Variants in HSF2BP observed in about 807,000 individuals in gnomAD.
The protein encoded by HSF2BP is heat shock factor 2-binding protein.
In HSF2BP, 35 loss-of-function variants were observed where a neutral mutation model predicts 35.0. That is an observed-to-expected ratio of 1.00 (90% CI 0.76 to 1.32). HSF2BP has a LOEUF of 1.32. HSF2BP is among the 40% of genes most tolerant of loss of function. HSF2BP has a pLI of 0.00. For missense variants in HSF2BP, 326 were observed against 321.7 expected, an observed-to-expected ratio of 1.01 and a Z score of -0.10; for synonymous variants, 114 against 117.4, an observed-to-expected ratio of 0.97 and a Z score of 0.18.
intron 4 of HSF2BP, among the ~76,000 whole-genome samples, chr21:43,637,897 C>T (rs1195214118): frequency 6.6e-6 from 1 of 152,050 alleles, no homozygotes; most frequent in Non-Finnish European, 1.5e-5. Context: ...CAAAAACCTA[C>T]AGCTAAAATC....
chr21:43,616,521 T>G (rs1206552809), intron 6 of HSF2BP, among the ~76,000 whole-genome samples: 1 of 152,178 alleles, frequency 6.6e-6, no homozygotes, highest in African/African-American at 2.4e-5. Context: ...CTTACACCCG[T>G]AATCCTAGTT....
At chr21:43,643,802 C>T (rs2082671775) in intron 4 of HSF2BP, among the ~76,000 whole-genome samples, 1 of 152,004 alleles carries the variant, frequency 6.6e-6, no homozygotes, top group Admixed American at 6.6e-5. Flanking sequence ...ACTAAAAATA[C>T]AAAAACTTAG....
intron 7 of HSF2BP, among the ~76,000 whole-genome samples, chr21:43,599,382 G>A (rs910880663): frequency 3.3e-5 from 5 of 152,258 alleles, no homozygotes; most frequent in African/African-American, 9.6e-5. Context: ...CAAATGTTTC[G>A]TCTAATATAA....
At chr21:43,577,884 C>T (rs1053634413) in intron 8 of HSF2BP, among the ~76,000 whole-genome samples, 6 of 152,172 alleles carry the variant, frequency 3.9e-5, no homozygotes, top group African/African-American at 1.4e-4. Flanking sequence ...TGATATTCCC[C>T]TGCCCTTAAG....
intron 6 of HSF2BP, among the ~76,000 whole-genome samples, chr21:43,624,163 C>T (rs1413087549): frequency 3.9e-5 from 6 of 152,208 alleles, no homozygotes; most frequent in Non-Finnish European, 8.8e-5. Context: ...AAACATACAT[C>T]CACACATAAA....
chr21:43,572,013 G>A (rs1392532046), intron 8 of HSF2BP, among the ~76,000 whole-genome samples: 2 of 152,326 alleles, frequency 1.3e-5, no homozygotes, highest in Admixed American at 6.5e-5. Flanking sequence ...CTCACAGTCT[G>A]GACCCAATCA....
intron 6 of HSF2BP, among the ~76,000 whole-genome samples, chr21:43,626,379 C>A (rs1305113145): frequency 1.3e-5 from 2 of 152,010 alleles, no homozygotes; most frequent in Admixed American, 6.6e-5. Flanking sequence ...AAAAAAAAGT[C>A]TGAAATTAAA....
At chr21:43,633,151 G>A in intron 5 of HSF2BP, 121 bp downstream of exon 5, 2 of 1,031,736 alleles carry the variant, frequency 1.9e-6, no homozygotes, top group Non-Finnish European at 1.4e-6. Context: ...ACTAGCTGAT[G>A]AGTGAACAAA....
At chr21:43,613,771 A>G (rs963400064) in intron 7 of HSF2BP, 59 bp downstream of exon 7, 1 of 1,153,488 alleles carries the variant, frequency 8.7e-7, no homozygotes, top group Non-Finnish European at 1.3e-6. Context: ...GAGAGGCCCA[A>G]TCAGCACAGT....
At chr21:43,626,216 T>C (rs2082387930) in intron 6 of HSF2BP, among the ~76,000 whole-genome samples, 1 of 151,938 alleles carries the variant, frequency 6.6e-6, no homozygotes, top group Non-Finnish European at 1.5e-5. Flanking sequence ...AAGAAACAAA[T>C]GTCTACACAG....
chr21:43,576,535 C>T (rs544080180), intron 8 of HSF2BP, among the ~76,000 whole-genome samples: 11 of 152,276 alleles, frequency 7.2e-5, no homozygotes, highest in African/African-American at 2.6e-4. Flanking sequence ...ATGACAAAGG[C>T]GCCAGTCATG....
intron 8 of HSF2BP, among the ~76,000 whole-genome samples, chr21:43,576,079 C>G (rs1482576864): frequency 6.9e-6 from 1 of 145,878 alleles, no homozygotes; most frequent in Non-Finnish European, 1.5e-5. Flanking sequence ...GATCGCGCAA[C>G]TGCACGCCAG....
At chr21:43,572,108 G>T (rs1243466929) in intron 8 of HSF2BP, among the ~76,000 whole-genome samples, 1 of 152,188 alleles carries the variant, frequency 6.6e-6, no homozygotes, top group Admixed American at 6.5e-5. Flanking sequence ...CTCCACAGTG[G>T]GAGTGAAGGG....
At chr21:43,616,989 G>A (rs1337527595) in intron 6 of HSF2BP, among the ~76,000 whole-genome samples, 1 of 151,844 alleles carries the variant, frequency 6.6e-6, no homozygotes, top group Non-Finnish European at 1.5e-5. Flanking sequence ...GAAGCCTTGA[G>A]ACTCTATGAG....
At chr21:43,654,583 A>T (rs2082840291) in intron 3 of HSF2BP, among the ~76,000 whole-genome samples, 1 of 152,140 alleles carries the variant, frequency 6.6e-6, no homozygotes, top group Admixed American at 6.5e-5. Flanking sequence ...CCTCACTGCA[A>T]AGAGCCATAA....
At chr21:43,588,398 A>C (rs2146764219) in intron 8 of HSF2BP, among the ~76,000 whole-genome samples, 1 of 152,046 alleles carries the variant, frequency 6.6e-6, no homozygotes, top group African/African-American at 2.4e-5. Context: ...TAAATAAATA[A>C]ATAAGAAGTC....
Position 43,658,106 on chromosome 21 carries a change from C to T in HSF2BP, c.-10G>A. 3 of 1,530,214 alleles carry T rather than the reference C, an allele frequency of 2.0e-6. No homozygotes were observed. The highest frequency in any genetic ancestry group is 2.6e-6 in the Non-Finnish European group (3 of 1,142,942). The allele number at this position is 1,530,214 out of a possible 1,614,324, so 94.8% of individuals were successfully genotyped here. A position where few individuals can be genotyped will look rare whatever the true frequency, so the allele number is the denominator to read the frequency against. On this transcript the variant is annotated 5_prime_UTR_variant, in exon 2 of 9. Coordinates refer to ENST00000291560, the MANE Select transcript of HSF2BP (RefSeq NM_007031.2). ...CGCCCGCTTCGCCCATGGCCGCTGC[C>T]GCCTCCGCTCCGTTCGCCTGAGCGT... is the stretch of plus-strand genomic sequence containing the variant.
At chr21:43,624,211 A>G (rs1237087101) in intron 6 of HSF2BP, among the ~76,000 whole-genome samples, 2 of 152,244 alleles carry the variant, frequency 1.3e-5, no homozygotes, top group Admixed American at 1.3e-4. Context: ...TATCCATAAC[A>G]GTCAAAAGGT....
intron 3 of HSF2BP, among the ~76,000 whole-genome samples, chr21:43,650,498 C>A (rs1343372815): frequency 6.6e-6 from 1 of 152,054 alleles, no homozygotes; most frequent in Non-Finnish European, 1.5e-5. Flanking sequence ...AGCCACCGTG[C>A]CCGGCCCATA....
Sources: gnomAD v4.1 joint callset for allele counts (sites outside exome capture counted in the v4.1 genomes callset) on GRCh38, gnomAD v4.1.1 for gene constraint, MANE v1.5 for transcripts, NCBI Gene and HGNC (gene_info 2026-07-23, HGNC 2026-07-21) for gene names.